The following TMCC1 variants were observed in gnomAD, a reference collection of about 807,000 sequenced individuals.
The protein encoded by TMCC1 is transmembrane and coiled-coil domains protein 1.
Under a neutral mutation model 52.4 loss-of-function variants are expected in TMCC1, and 15 were observed. The ratio of observed to expected loss-of-function variants is 0.29; its 90% CI spans 0.19 to 0.44. The LOEUF (loss-of-function observed/expected upper bound fraction) is 0.44, where lower values mean the gene tolerates loss of function less well. Ranked by LOEUF, TMCC1 falls within the 20% of genes least tolerant of loss-of-function variation. TMCC1 has a pLI of 1.00. For missense variants in TMCC1, 503 were observed against 806.0 expected, an observed-to-expected ratio of 0.62 and a Z score of 4.55; for synonymous variants, 279 against 301.9, an observed-to-expected ratio of 0.92 and a Z score of 0.79.
intron 4 of TMCC1, among the ~76,000 whole-genome samples, chr3:129,817,967 G>A (rs1034054660): frequency 1.3e-5 from 2 of 152,008 alleles, no homozygotes; most frequent in Non-Finnish European, 2.9e-5. Context: ...CATGTGCCAC[G>A]CCCGGTTAAT....
intron 6 of TMCC1, among the ~76,000 whole-genome samples, chr3:129,653,896 G>C (rs2086508748): frequency 6.6e-6 from 1 of 152,096 alleles, no homozygotes; most frequent in South Asian, 2.1e-4. Context: ...TAATGCATTA[G>C]TGACATAAAG....
chr3:129,669,079 G>A (rs899323081), intron 5 of TMCC1, among the ~76,000 whole-genome samples: 1 of 152,328 alleles, frequency 6.6e-6, no homozygotes, highest in Middle Eastern at 3.4e-3. Context: ...AAAGAGGCAG[G>A]CTGAATTACT....
At chr3:129,714,567 T>C (rs1487582414) in intron 4 of TMCC1, among the ~76,000 whole-genome samples, 1 of 152,166 alleles carries the variant, frequency 6.6e-6, no homozygotes, top group Non-Finnish European at 1.5e-5. Context: ...CATACATACA[T>C]ATGTAACAAC....
intron 4 of TMCC1, among the ~76,000 whole-genome samples, chr3:129,801,714 C>T (rs759175880): frequency 7.2e-5 from 11 of 152,278 alleles, no homozygotes; most frequent in South Asian, 2.1e-4. Context: ...GGATTTCAGG[C>T]GTGAACCACC....
At chr3:129,700,278 A>C (rs1031522364) in intron 4 of TMCC1, among the ~76,000 whole-genome samples, 1 of 152,202 alleles carries the variant, frequency 6.6e-6, no homozygotes, top group Non-Finnish European at 1.5e-5. Flanking sequence ...CATATTGCTA[A>C]ATAAATCTGG....
Position 129,670,613 on chromosome 3 carries a change from T to G in TMCC1, c.1228A>C (p.Asn410His). Residue 410 changes from asparagine (N) to histidine (H), a missense_variant, in exon 5 of 7, where the codon AAC (asparagine) becomes CAC (histidine). Physicochemically the swap from Asn to His is moderately conservative, Grantham distance 68. This residue lies in a region of TMCC1 where 38 missense variants were observed against 29.8 expected (regional missense o/e 1.28). Transcript: ENST00000393238. ...DAGKALGVIS[N>H]FQSSPKYGSE... is the part of the protein sequence containing the mutation. ...CCATATTTTGGGCTAGACTGAAAGT[T>G]TGAAATCACTCCCAAAGCCTTCCCC... 6.2e-7 allele frequency: 1 copy of G among 1,614,230 alleles called. No homozygotes were observed. Among genetic ancestry groups the G allele is most frequent in the Non-Finnish European group, 8.5e-7 (1 of 1,180,040 alleles).
chr3:129,678,356 A>C (rs2088647909), intron 4 of TMCC1, among the ~76,000 whole-genome samples: 3 of 101,412 alleles, frequency 3.0e-5, no homozygotes, highest in African/African-American at 1.1e-4. Context: ...ACATTGTTTA[A>C]TTCTTTTTTT....
intron 4 of TMCC1, among the ~76,000 whole-genome samples, chr3:129,696,706 T>C (rs2047439344): frequency 6.6e-6 from 1 of 152,210 alleles, no homozygotes; most frequent in South Asian, 2.1e-4. Context: ...AGTTACTTCC[T>C]AGATACAATG....
intron 4 of TMCC1, among the ~76,000 whole-genome samples, chr3:129,741,524 A>G (rs2051456228): frequency 6.6e-6 from 1 of 152,148 alleles, no homozygotes; most frequent in African/African-American, 2.4e-5. Flanking sequence ...AATTAGAACT[A>G]AGGACTTCTG....
chr3:129,804,470 T>C (rs1250178362), intron 4 of TMCC1, among the ~76,000 whole-genome samples: 1 of 152,204 alleles, frequency 6.6e-6, no homozygotes, highest in Non-Finnish European at 1.5e-5. Flanking sequence ...GCTATTGTTG[T>C]TGCATATTTT....
chr3:129,663,586 T>C (rs940322519), intron 5 of TMCC1, among the ~76,000 whole-genome samples: 10 of 152,138 alleles, frequency 6.6e-5, no homozygotes, highest in Non-Finnish European at 1.0e-4. Context: ...TAAAAAACAC[T>C]GAACTAGCCT....
At chr3:129,739,900 G>C (rs1201809072) in intron 4 of TMCC1, among the ~76,000 whole-genome samples, 3 of 152,228 alleles carry the variant, frequency 2.0e-5, no homozygotes, top group Non-Finnish European at 2.9e-5. Flanking sequence ...CATAGGAAAA[G>C]GGTAAACTAG....
At chr3:129,796,030 T>C (rs1462033096) in intron 4 of TMCC1, among the ~76,000 whole-genome samples, 1 of 152,232 alleles carries the variant, frequency 6.6e-6, no homozygotes. Context: ...ATCACAGATA[T>C]GTGTATAGGA....
chr3:129,871,156 C>T lies in TMCC1; in HGVS notation c.-184+9153G>A, dbSNP rs889168442. Among the ~76,000 whole-genome samples, 12 of 151,886 alleles carry T rather than the reference C, an allele frequency of 7.9e-5. 1 individual carries two copies. The highest frequency in any genetic ancestry group is 2.2e-4 in the African/African-American group (9 of 41,342). ...GGTGGAGAGCCTGAGGTCAGGAGTT[C>T]GAGACCAGCCTTGCCAACATAGTAA... On this transcript the variant is annotated intron_variant, in intron 2 of 6. Coordinates refer to ENST00000393238, the MANE Select transcript of TMCC1 (RefSeq NM_001017395.5).
intron 4 of TMCC1, among the ~76,000 whole-genome samples, chr3:129,673,445 AT>A (rs2088136977): frequency 6.6e-6 from 1 of 152,236 alleles, no homozygotes; most frequent in Non-Finnish European, 1.5e-5. Flanking sequence ...AGGAAAGCAA[AT>A]ATAAGAATGT....
At chr3:129,890,054 G>A (rs2108018731) in intron 1 of TMCC1, among the ~76,000 whole-genome samples, 1 of 152,240 alleles carries the variant, frequency 6.6e-6, no homozygotes. Flanking sequence ...TGGAGGCCAA[G>A]GCAAGGGGGA....
At chr3:129,720,181 C>CAAAAAAAAAAAA (rs765678095) in intron 4 of TMCC1, among the ~76,000 whole-genome samples, 29 of 58,690 alleles carry the variant, frequency 4.9e-4, no homozygotes, top group African/African-American at 1.7e-3. Context: ...GACCCTGTCT[C>CAAAAAAAAAAAA]AAAAAAAAAA....
intron 4 of TMCC1, among the ~76,000 whole-genome samples, chr3:129,773,129 G>T (rs1191582358): frequency 1.3e-5 from 2 of 152,052 alleles, no homozygotes; most frequent in Non-Finnish European, 1.5e-5. Flanking sequence ...CAAAAAGAGG[G>T]GTCTGGTTGA....
chr3:129,672,252 G>C (rs2088012388), intron 4 of TMCC1, among the ~76,000 whole-genome samples: 1 of 152,178 alleles, frequency 6.6e-6, no homozygotes, highest in Admixed American at 6.5e-5. Flanking sequence ...GGTCATCCCT[G>C]GGTGTGGCTT....
Sources: gnomAD v4.1 joint callset for allele counts (sites outside exome capture counted in the v4.1 genomes callset) on GRCh38, gnomAD v4.1.1 for gene constraint, gnomAD v4.1.1 regional missense constraint, MANE v1.5 for transcripts, NCBI Gene and HGNC (gene_info 2026-07-23, HGNC 2026-07-21) for gene names.